The following OPA1 variants were observed in gnomAD, a reference collection of about 807,000 sequenced individuals.
OPA1 encodes the protein dynamin-like GTPase OPA1, mitochondrial.
OPA1 carries 59 observed loss-of-function variants against 152.9 expected under a neutral mutation model. The ratio of observed to expected loss-of-function variants is 0.39; its 90% CI spans 0.31 to 0.48. The LOEUF is 0.48. OPA1 is among the 20% of genes least tolerant of loss of function. The pLI, the probability that OPA1 is intolerant of heterozygous loss-of-function variation, is 0.96. For missense variants in OPA1, 1,008 were observed against 1,216.8 expected (o/e 0.83, Z 2.55); for synonymous variants, 400 against 389.9 (o/e 1.03, Z -0.31).
At chr3:193,668,334 C>G (rs758008229) in intron 29 of OPA1, 1 of 1,550,970 alleles carries the variant, frequency 6.4e-7, no homozygotes, top group African/African-American at 1.4e-5. Flanking sequence ...TTTTCCCCAG[C>G]TCGGACTCAA....
intron 7 of OPA1, among the ~76,000 whole-genome samples, chr3:193,626,442 G>T (rs1731158610): frequency 6.6e-6 from 1 of 152,126 alleles, no homozygotes; most frequent in African/African-American, 2.4e-5. Flanking sequence ...GTTGTCTGTA[G>T]GGTCCCTGTA....
At position 193,696,621 on chromosome 3, in the gene OPA1, CAA is replaced by C. The variant is rs534997897; in HGVS notation, c.*2022_*2023del. 2.0e-5 allele frequency: 3 copies of C among 152,232 alleles called. No homozygotes were observed. The highest frequency in any genetic ancestry group is 2.1e-4 in the South Asian group (1 of 4,828). 9.4% of individuals were successfully genotyped at this position (152,232 alleles called of 1,614,324 possible). A position where few individuals can be genotyped will look rare whatever the true frequency, so the allele number is the denominator to read the frequency against. On this transcript the variant is annotated 3_prime_UTR_variant, in exon 31 of 31. Transcript: ENST00000361510. ...ATTGAAAGAAAATAAAATTCAGTCT[CAA>C]GAGTAAACCCTGTGTCTTGTGTCTG... is the stretch of plus-strand genomic sequence containing the variant.
intron 30 of OPA1, among the ~76,000 whole-genome samples, chr3:193,692,478 A>C (rs1328912851): frequency 6.6e-6 from 1 of 152,218 alleles, no homozygotes; most frequent in Non-Finnish European, 1.5e-5. Flanking sequence ...ATAGTCTATC[A>C]ATAATGATGT....
chr3:193,659,780 T>C (rs1714783323), intron 25 of OPA1, among the ~76,000 whole-genome samples: 1 of 152,156 alleles, frequency 6.6e-6, no homozygotes, highest in Non-Finnish European at 1.5e-5. Context: ...AGACAAGAGA[T>C]GAAACATGCC....
chr3:193,636,199 A>G (rs1342054607), intron 9 of OPA1, among the ~76,000 whole-genome samples: 1 of 151,988 alleles, frequency 6.6e-6, no homozygotes, highest in Non-Finnish European at 1.5e-5. Flanking sequence ...AAGATAATAC[A>G]GTTCTAGCTT....
intron 22 of OPA1, 149 bp downstream of exon 22, chr3:193,655,176 G>C (rs758173106): frequency 2.0e-5 from 15 of 739,520 alleles, no homozygotes; most frequent in Non-Finnish European, 2.8e-5. Context: ...TCTGTTTTGG[G>C]ACTAACCTTA....
chr3:193,652,314 G>A (rs566739039), intron 21 of OPA1, among the ~76,000 whole-genome samples: 42 of 152,128 alleles, frequency 2.8e-4, no homozygotes, highest in Non-Finnish European at 4.7e-4. Context: ...CCCAGGAAGC[G>A]GAGGTTGCTG....
chr3:193,609,677 A>G (rs890372698), intron 1 of OPA1, among the ~76,000 whole-genome samples: 5 of 152,218 alleles, frequency 3.3e-5, no homozygotes, highest in East Asian at 1.9e-4. Flanking sequence ...AGGTACACCA[A>G]TCAGACGTAG....
intron 1 of OPA1, among the ~76,000 whole-genome samples, chr3:193,606,362 A>G (rs1318496456): frequency 6.6e-6 from 1 of 151,814 alleles, no homozygotes; most frequent in Non-Finnish European, 1.5e-5. Context: ...GGTGTGCTGC[A>G]CCCATTAACT....
Position 193,614,759 on chromosome 3 carries a change from A to G in OPA1, c.69A>G (p.Gly23=). 6.2e-7 allele frequency: 1 copy of G among 1,614,086 alleles called. No individual in the cohort carries two copies. The highest frequency in any genetic ancestry group is 1.1e-5 in the South Asian group (1 of 91,078). The change falls in exon 2 of 31, where the codon GGA becomes GGG. Residue 23 remains glycine (G), a synonymous_variant. Transcript: ENST00000361510. ...AGTCTTTAGTGAAACACAGCTCTGG[A>G]ATAAAAGGAAGTTTACCACTACAAA... ...VCQSLVKHSS[G]IKGSLPLQKL...
intron 29 of OPA1, among the ~76,000 whole-genome samples, chr3:193,683,828 T>C (rs1560073745): frequency 6.6e-6 from 1 of 152,226 alleles, no homozygotes; most frequent in Non-Finnish European, 1.5e-5. Flanking sequence ...ACTGTAAACG[T>C]AACTTAAACG....
intron 6 of OPA1, among the ~76,000 whole-genome samples, chr3:193,625,277 G>A (rs769230934): frequency 2.2e-4 from 33 of 151,918 alleles, no homozygotes; most frequent in Non-Finnish European, 4.1e-4. Flanking sequence ...GATTTTTTGT[G>A]CATAGGTCCA....
At position 193,637,937 on chromosome 3, in the gene OPA1, T is replaced by C; in HGVS notation, c.1036-15T>C. On this transcript the variant is annotated splice_polypyrimidine_tract_variant and intron_variant, in intron 10 of 30. Transcript: ENST00000361510. The stretch of plus-strand genomic sequence containing the variant: ...TCAGAAAAATATGAATAAGTGTTCT[T>C]TGTTTTGTGGGAAGGTTGTTGTGGT... 6.3e-7 allele frequency: 1 copy of C among 1,592,878 alleles called. No individual in the cohort carries two copies. The highest frequency in any genetic ancestry group is 1.1e-5 in the South Asian group (1 of 90,514).
intron 1 of OPA1, chr3:193,613,843 G>T (rs747165823): frequency 1.2e-5 from 6 of 493,340 alleles, no homozygotes; most frequent in South Asian, 3.0e-5. Flanking sequence ...CTCCCAAAGT[G>T]CTGGGATTAC....
In OPA1 at chr3:193,673,682, G is replaced by A. The variant is rs1718407806; in HGVS notation, c.2983+6402G>A. Among the ~76,000 whole-genome samples the A allele has an allele frequency of 1.3e-5, 2 of 152,142 alleles. 1 individual carries two copies. Among genetic ancestry groups the A allele is most frequent in the South Asian group, 4.1e-4 (2 of 4,830 alleles). ...TTGAGGCTTTTTGTTGAGCTGGATT[G>A]GAAGTGCAACTTATTAGAAATTACA... On this transcript the variant is annotated intron_variant, in intron 29 of 30. Transcript: ENST00000361510.
At chr3:193,643,920 A>G (rs1224825681) in intron 15 of OPA1, 55 bp from the exon 16 acceptor site, 2 of 1,583,068 alleles carry the variant, frequency 1.3e-6, no homozygotes, top group African/African-American at 1.3e-5. Context: ...ACTGAGTTTT[A>G]AAAGTCTACT....
At chr3:193,674,935 A>G (rs535607826) in intron 29 of OPA1, among the ~76,000 whole-genome samples, 10 of 152,314 alleles carry the variant, frequency 6.6e-5, no homozygotes, top group Non-Finnish European at 1.3e-4. Context: ...ACAAAGCTAC[A>G]CAGGTGATTC....
chr3:193,684,150 A>T (rs1720594369), intron 29 of OPA1, among the ~76,000 whole-genome samples: 2 of 152,174 alleles, frequency 1.3e-5, no homozygotes, highest in Admixed American at 6.6e-5. Context: ...AATGAATCTA[A>T]TGGCTACACA....
At chr3:193,613,412 G>A (rs1355214354) in intron 1 of OPA1, among the ~76,000 whole-genome samples, 2 of 152,160 alleles carry the variant, frequency 1.3e-5, no homozygotes, top group Admixed American at 6.5e-5. Context: ...GTTTCTGAGA[G>A]TTAACATTTA....
Sources: allele counts gnomAD v4.1 joint callset (sites outside exome capture counted in the v4.1 genomes callset), GRCh38; gene constraint gnomAD v4.1.1; transcripts MANE v1.5; gene names NCBI Gene and HGNC (gene_info 2026-07-23, HGNC 2026-07-21).